Variants in ZNF425 observed in about 807,000 individuals in gnomAD.
The protein encoded by ZNF425 is zinc finger protein 425.
ZNF425 carries 21 observed loss-of-function variants against 17.0 expected under a neutral mutation model. The observed-to-expected ratio is 1.23, with a 90% confidence interval of 0.88 to 1.78. ZNF425 has a LOEUF of 1.78. Ranked by LOEUF, ZNF425 falls within the 40% of genes most tolerant of loss-of-function variation. ZNF425 has a pLI of 0.00. For synonymous variants in ZNF425, 433 were observed against 384.1 expected (o/e 1.13, Z -1.49); for missense variants, 868 against 967.3 (o/e 0.90, Z 1.36).
In ZNF425 at chr7:149,104,701, T is replaced by C. The variant is rs768419499; in HGVS notation, c.1170A>G (p.Glu390=). Residue 390 remains glutamate (E), a synonymous_variant, in exon 4 of 4, where the codon GAA becomes GAG. Transcript: ENST00000378061. The surrounding 1 kb of genome is among the most constrained non-coding windows in gnomAD (Gnocchi z 4.3). ...HSEEKPFSCG[E]CGRKFIYKIK... is the part of the protein sequence containing the mutation. ...TCTTGTAGATGAATTTCCTGCCACA[T>C]TCACCACAAGAAAACGGCTTTTCCT... The C allele has an allele frequency of 6.2e-7, 1 of 1,613,690 alleles. No homozygotes were observed. The highest frequency in any genetic ancestry group is 1.3e-5 in the African/African-American group (1 of 74,920).
At chr7:149,109,648 G>A (rs1053225236) in intron 3 of ZNF425, among the ~76,000 whole-genome samples, 1 of 152,084 alleles carries the variant, frequency 6.6e-6, no homozygotes, top group Non-Finnish European at 1.5e-5. Context: ...ACTATGTATA[G>A]TTCAATATAA....
intron 3 of ZNF425, among the ~76,000 whole-genome samples, chr7:149,107,829 C>G (rs1489355133): frequency 7.7e-6 from 1 of 129,980 alleles, no homozygotes; most frequent in Non-Finnish European, 1.7e-5. Context: ...TAATGGAACT[C>G]TCTCCCATTT....
chr7:149,121,721 G>A (rs1826357426), intron 1 of ZNF425, among the ~76,000 whole-genome samples: 1 of 152,046 alleles, frequency 6.6e-6, no homozygotes, highest in Admixed American at 6.6e-5. Context: ...CAATCTATAA[G>A]ACAGCATTTC....
intron 1 of ZNF425, among the ~76,000 whole-genome samples, chr7:149,122,370 G>A (rs1447267192): frequency 6.6e-6 from 1 of 151,888 alleles, no homozygotes; most frequent in Non-Finnish European, 1.5e-5. Flanking sequence ...TCCTGCCTCA[G>A]GCTCCGGAAG....
In ZNF425 at chr7:149,126,179, C is replaced by T; in HGVS notation, c.18+17G>A. 2 of 1,613,308 alleles carry T rather than the reference C, an allele frequency of 1.2e-6. No homozygotes were observed. The highest frequency in any genetic ancestry group is 1.7e-6 in the Non-Finnish European group (2 of 1,179,706). On this transcript the variant is annotated intron_variant, in intron 1 of 3. Coordinates refer to ENST00000378061, the MANE Select transcript of ZNF425 (RefSeq NM_001001661.3). ...CGAGTTTCGACAGAGCCTGCATCCTCCACCGGCCCTTCTTACCGAAGCCGG... is the reference window on the plus strand; with the variant it reads ...CGAGTTTCGACAGAGCCTGCATCCTTCACCGGCCCTTCTTACCGAAGCCGG...
Position 149,105,236 on chromosome 7 carries a change from TG to T in ZNF425, c.634del (p.His212ThrfsTer46). 6.2e-7 allele frequency: 1 copy of T among 1,614,168 alleles called. No homozygotes were observed. Among genetic ancestry groups the T allele is most frequent in the Non-Finnish European group, 8.5e-7 (1 of 1,180,044 alleles). On this transcript the variant is annotated frameshift_variant, in exon 4 of 4. Transcript: ENST00000378061. LOFTEE classifies it low-confidence loss of function (END_TRUNC). ...RRDLLKHKRS[H>X]SKSQLCRYPK... Reference sequence around the variant, plus strand: ...GTATCTGCAGAGCTGGCTCTTGGAGTGGCTCCGTTTGTGCTTTAGCAAATCC... The same window carrying T: ...GTATCTGCAGAGCTGGCTCTTGGAGTGCTCCGTTTGTGCTTTAGCAAATCC...
At chr7:149,107,774 T>C (rs1354920402) in intron 3 of ZNF425, among the ~76,000 whole-genome samples, 1 of 152,072 alleles carries the variant, frequency 6.6e-6, no homozygotes, top group Non-Finnish European at 1.5e-5. Flanking sequence ...ACTTAAGCCA[T>C]TATATTTCAG....
intron 3 of ZNF425, among the ~76,000 whole-genome samples, chr7:149,109,822 G>A (rs1826143715): frequency 6.6e-6 from 1 of 151,852 alleles, no homozygotes; most frequent in Non-Finnish European, 1.5e-5. Flanking sequence ...ATGAGTGAAT[G>A]AATAGACAGT....
At chr7:149,116,207 C>T (rs1826263609) in intron 2 of ZNF425, among the ~76,000 whole-genome samples, 1 of 152,158 alleles carries the variant, frequency 6.6e-6, no homozygotes, top group African/African-American at 2.4e-5. Flanking sequence ...GTTTAAAATA[C>T]CATCACTATA....
At chr7:149,111,630 C>G (rs1826179434) in intron 3 of ZNF425, among the ~76,000 whole-genome samples, 1 of 129,950 alleles carries the variant, frequency 7.7e-6, no homozygotes, top group Non-Finnish European at 1.6e-5. Context: ...AATTATATAT[C>G]TATATAAAAC....
At chr7:149,116,229 T>C (rs1826263925) in intron 2 of ZNF425, among the ~76,000 whole-genome samples, 1 of 152,200 alleles carries the variant, frequency 6.6e-6, no homozygotes, top group African/African-American at 2.4e-5. Flanking sequence ...CGTCTTCCAA[T>C]TCTGTAAATC....
At position 149,117,302 on chromosome 7, in the gene ZNF425, C is replaced by T. The variant is rs143470617; in HGVS notation, c.145+920G>A. ...GATACAAGAATGTGTCAGAATAAGC[C>T]GGATAAGCAGCAAGTTATAATTTCC... On this transcript the variant is annotated intron_variant, in intron 2 of 3. Transcript: ENST00000378061. Among the ~76,000 whole-genome samples, 463 of 152,016 alleles carry T rather than the reference C, an allele frequency of 3.0e-3. 1 individual carries two copies. Among genetic ancestry groups the T allele is most frequent in the African/African-American group, 0.011 (444 of 41,474 alleles).
At position 149,104,794 on chromosome 7, in the gene ZNF425, G is replaced by C; in HGVS notation, c.1077C>G (p.His359Gln). The C allele has an allele frequency of 6.2e-7, 1 of 1,613,634 alleles. No individual in the cohort carries two copies. The highest frequency in any genetic ancestry group is 8.5e-7 in the Non-Finnish European group (1 of 1,179,976). The change falls in exon 4 of 4, where the codon CAC becomes CAG. Residue 359 changes from histidine (H) to glutamine (Q), a missense_variant. Physicochemically the swap from His to Gln is conservative, Grantham distance 24 (BLOSUM62 0). Coordinates refer to ENST00000378061, the MANE Select transcript of ZNF425 (RefSeq NM_001001661.3). The surrounding 1 kb of genome is among the most constrained non-coding windows in gnomAD (Gnocchi z 4.3). ...AGAAGCTCCGGCCACACTCGGGACA[G>C]TGGAAGGGCCTCTTCCCGCTGTGCT... is the stretch of plus-strand genomic sequence containing the variant. ...LTQHSGKRPF[H>Q]CPECGRSFSR...
At chr7:149,108,909 T>C (rs1263524517) in intron 3 of ZNF425, among the ~76,000 whole-genome samples, 6 of 151,818 alleles carry the variant, frequency 4.0e-5, no homozygotes, top group Non-Finnish European at 8.8e-5. Context: ...AATAAAAATC[T>C]TCCCAAGCTC....
Position 149,103,655 on chromosome 7 carries a change from G to T in ZNF425, c.2216C>A (p.Thr739Asn). Residue 739 changes from threonine to asparagine, a missense_variant, in exon 4 of 4, where the codon ACC becomes AAC. Coordinates refer to ENST00000378061, the MANE Select transcript of ZNF425 (RefSeq NM_001001661.3). ...CTCTTTGGCATGCACTGCAATGTGG[G>T]TCTTGAGCGCCCCCACGTACGTGAA... The part of the protein sequence containing the change: ...RSFTYVGALK[T>N]HIAVHAKEKP... 6.2e-7 allele frequency: 1 copy of T among 1,613,290 alleles called. No individual in the cohort carries two copies. Among genetic ancestry groups the T allele is most frequent in the Non-Finnish European group, 8.5e-7 (1 of 1,179,708 alleles).
At chr7:149,109,978 C>T (rs904799706) in intron 3 of ZNF425, among the ~76,000 whole-genome samples, 2 of 151,072 alleles carry the variant, frequency 1.3e-5, no homozygotes, top group African/African-American at 4.9e-5. Flanking sequence ...CAGGGCTCAA[C>T]CAATTCCCCT....
intron 3 of ZNF425, among the ~76,000 whole-genome samples, chr7:149,107,273 AT>A (rs1224336907): frequency 2.0e-5 from 3 of 151,674 alleles, no homozygotes; most frequent in South Asian, 4.2e-4. Context: ...ACACTGTAGA[AT>A]TTTTTTCCTT....
intron 3 of ZNF425, 38 bp from the exon 4 acceptor site, chr7:149,105,604 G>A: frequency 6.9e-7 from 1 of 1,442,172 alleles, no homozygotes; most frequent in South Asian, 1.6e-5. Context: ...TCAGTGATAT[G>A]TCTACCCTAT....
Position 149,104,524 on chromosome 7 carries a change from C to G in ZNF425, c.1347G>C (p.Arg449Ser). The G allele has an allele frequency of 6.2e-7, 1 of 1,605,450 alleles. No individual in the cohort carries two copies. The highest frequency in any genetic ancestry group is 8.5e-7 in the Non-Finnish European group (1 of 1,176,666). ...GCATGGCGTTCCTCCAGAAGAAGCC[C>G]CTGCTGCACTCCGGGCACTGGAAGG... The part of the protein sequence containing the change: ...KRPFQCPECS[R>S]GFFWRNAMRA... The change falls in exon 4 of 4, where the codon AGG becomes AGC. Residue 449 changes from arginine to serine, a missense_variant. Around this residue, in one of 5 missense-constraint regions of ZNF425, gnomAD observed 437 missense variants for 444.2 expected, o/e 0.98. Transcript: ENST00000378061. This position sits in a 1 kb window ranked among gnomAD's most constrained non-coding sequence, Gnocchi z 4.3.
Sources: allele counts gnomAD v4.1 joint callset (sites outside exome capture counted in the v4.1 genomes callset), GRCh38; gene constraint gnomAD v4.1.1; regional missense constraint gnomAD v4.1.1; non-coding constraint Gnocchi (gnomAD v3.1); transcripts MANE v1.5; gene names NCBI Gene and HGNC (gene_info 2026-07-23, HGNC 2026-07-21).